PGCKA1: variants seen among roughly 807,000 people sequenced by gnomAD.
The protein encoded by PGCKA1 is PDCD10 and GCKIII kinases-associated protein 1.
chr4:37,470,495 T>G, the PGCKA1 span, among the ~76,000 whole-genome samples: 6 of 152,356 alleles, frequency 3.9e-5, no homozygotes, highest in Admixed American at 2.0e-4. Context: ...GTTTGCAAAT[T>G]ACCTTCCCTG....
the PGCKA1 span, among the ~76,000 whole-genome samples, chr4:37,492,162 C>T: frequency 5.9e-5 from 9 of 152,062 alleles, no homozygotes; most frequent in African/African-American, 2.2e-4. This position sits in a 1 kb window ranked among gnomAD's most constrained non-coding sequence, Gnocchi z 4.7. Flanking sequence ...CTACCTCAGC[C>T]TCCCAAGTAG....
the PGCKA1 span, among the ~76,000 whole-genome samples, chr4:37,484,750 C>A: frequency 6.6e-6 from 1 of 152,212 alleles, no homozygotes; most frequent in African/African-American, 2.4e-5. Flanking sequence ...TAGCTAGCCC[C>A]TTCCACCATG....
chr4:37,460,667 T>G, the PGCKA1 span: 1 of 420,018 alleles, frequency 2.4e-6, no homozygotes, highest in Non-Finnish European at 4.7e-6. Context: ...CTTTACCCAC[T>G]TTTTGATGGA....
chr4:37,563,248 A>C, the PGCKA1 span, among the ~76,000 whole-genome samples: 2 of 152,206 alleles, frequency 1.3e-5, no homozygotes, highest in African/African-American at 4.8e-5. Context: ...GGCTTAAACA[A>C]AAGAAATTTA....
the PGCKA1 span, among the ~76,000 whole-genome samples, chr4:37,507,851 G>A: frequency 6.6e-6 from 1 of 152,040 alleles, no homozygotes; most frequent in Non-Finnish European, 1.5e-5. Flanking sequence ...AGCCTTTCTT[G>A]TTGAACAGGT....
chr4:37,591,840 A>C, the PGCKA1 span: 1 of 152,184 alleles, frequency 6.6e-6, no homozygotes, highest in Non-Finnish European at 1.5e-5. Flanking sequence ...GTGTCTTTCT[A>C]GAAGTCTTAA....
At chr4:37,490,574 C>A in the PGCKA1 span, among the ~76,000 whole-genome samples, 1 of 152,126 alleles carries the variant, frequency 6.6e-6, no homozygotes, top group Non-Finnish European at 1.5e-5. Context: ...ACTTTTAGGT[C>A]AGCATCACCA....
the PGCKA1 span, among the ~76,000 whole-genome samples, chr4:37,503,719 T>C: frequency 6.6e-6 from 1 of 152,242 alleles, no homozygotes; most frequent in Non-Finnish European, 1.5e-5. Flanking sequence ...TGAGCACCTT[T>C]TCATGTACCT....
chr4:37,477,979 C>T, the PGCKA1 span, among the ~76,000 whole-genome samples: 1 of 152,038 alleles, frequency 6.6e-6, no homozygotes, highest in East Asian at 1.9e-4. Flanking sequence ...TTTAGAGAAC[C>T]GAGTTCTTAC....
At chr4:37,590,029 G>T in the PGCKA1 span, 1 of 1,214,880 alleles carries the variant, frequency 8.2e-7, no homozygotes, top group Non-Finnish European at 1.2e-6. Context: ...AGCAGGGCCT[G>T]TGGTAAAAAG....
At chr4:37,507,482 T>C in the PGCKA1 span, among the ~76,000 whole-genome samples, 1 of 152,282 alleles carries the variant, frequency 6.6e-6, no homozygotes, top group Admixed American at 6.5e-5. Context: ...GGTTTGCAAA[T>C]ACTGTCTTAT....
At chr4:37,560,704 T>C in the PGCKA1 span, among the ~76,000 whole-genome samples, 53,041 of 151,058 alleles carry the variant, frequency 0.35, 9,696 homozygotes, top group Non-Finnish European at 0.38. Flanking sequence ...TCTAGAACTG[T>C]CTCCACTTAA....
chr4:37,585,608 G>A, the PGCKA1 span, among the ~76,000 whole-genome samples: 1 of 84,664 alleles, frequency 1.2e-5, no homozygotes, highest in Admixed American at 1.1e-4. Context: ...GAGAGGAGAG[G>A]TGTTGAGGAA....
the PGCKA1 span, among the ~76,000 whole-genome samples, chr4:37,554,348 T>C: frequency 1.4e-5 from 1 of 71,896 alleles, no homozygotes. Context: ...CCTTTAGAAA[T>C]ATTTATTTAT....
chr4:37,473,320 T>G, the PGCKA1 span, among the ~76,000 whole-genome samples: 1 of 152,206 alleles, frequency 6.6e-6, no homozygotes, highest in Non-Finnish European at 1.5e-5. Context: ...AGATATTCAT[T>G]ATGTTTAAGA....
At chr4:37,496,277 T>C in the PGCKA1 span, among the ~76,000 whole-genome samples, 2 of 152,188 alleles carry the variant, frequency 1.3e-5, no homozygotes, top group African/African-American at 2.4e-5. Context: ...TTCAATCCCA[T>C]TTGAGTTGAT....
At chr4:37,468,086 C>T in the PGCKA1 span, among the ~76,000 whole-genome samples, 1 of 152,188 alleles carries the variant, frequency 6.6e-6, no homozygotes, top group Non-Finnish European at 1.5e-5. Context: ...CAACAAAATA[C>T]CAATATCCCG....
At chr4:37,556,260 T>C in the PGCKA1 span, among the ~76,000 whole-genome samples, 2 of 110,552 alleles carry the variant, frequency 1.8e-5, no homozygotes, top group Admixed American at 1.7e-4. Flanking sequence ...CTTTTTTTTG[T>C]TTTGTTTTGT....
At chr4:37,580,230 CT>C in the PGCKA1 span, among the ~76,000 whole-genome samples, 1 of 150,038 alleles carries the variant, frequency 6.7e-6, no homozygotes, top group South Asian at 2.1e-4. Context: ...TTTAAGTTTT[CT>C]GTCAGAAAAG....
Sources: gnomAD v4.1 joint callset for allele counts (sites outside exome capture counted in the v4.1 genomes callset) on GRCh38, gnomAD v4.1.1 for gene constraint, Gnocchi (gnomAD v3.1) non-coding constraint, MANE v1.5 for transcripts, NCBI Gene and HGNC (gene_info 2026-07-23, HGNC 2026-07-21) for gene names.